USP25: variants seen among roughly 807,000 people sequenced by gnomAD.
USP25 encodes the protein ubiquitin carboxyl-terminal hydrolase 25.
Under a neutral mutation model 158.5 loss-of-function variants are expected in USP25, and 85 were observed. The ratio of observed to expected loss-of-function variants is 0.54; its 90% CI spans 0.45 to 0.64. The LOEUF is 0.64. Ranked by LOEUF, USP25 falls within the 30% of genes least tolerant of loss-of-function variation. The pLI is 0.00. For synonymous variants in USP25, 464 were observed against 460.4 expected (o/e 1.01, Z -0.10); for missense variants, 1,242 against 1,327.3 (o/e 0.94, Z 1.00).
chr21:15,782,424 G>A (rs767346521), intron 4 of USP25, among the ~76,000 whole-genome samples: 18 of 152,192 alleles, frequency 1.2e-4, no homozygotes, highest in Non-Finnish European at 2.6e-4. Context: ...GTCATGCACA[G>A]CCTCCAGACC....
chr21:15,749,207 A>T (rs1019475790), intron 1 of USP25, among the ~76,000 whole-genome samples: 5 of 152,230 alleles, frequency 3.3e-5, no homozygotes, highest in Non-Finnish European at 7.3e-5. Flanking sequence ...TGCCTTGTGT[A>T]CATATTTGAG....
intron 1 of USP25, among the ~76,000 whole-genome samples, chr21:15,755,254 C>A (rs2033301404): frequency 2.0e-5 from 3 of 151,846 alleles, no homozygotes; most frequent in Admixed American, 2.0e-4. Flanking sequence ...AGGATGGAAA[C>A]CTTTGACTTT....
chr21:15,738,014 G>T (rs748301522), intron 1 of USP25, among the ~76,000 whole-genome samples: 1 of 152,040 alleles, frequency 6.6e-6, no homozygotes, highest in Non-Finnish European at 1.5e-5. Flanking sequence ...TTTCTGGCTT[G>T]GAGTTTTGGG....
intron 4 of USP25, among the ~76,000 whole-genome samples, chr21:15,784,698 A>T: frequency 6.6e-6 from 1 of 152,228 alleles, no homozygotes; most frequent in Non-Finnish European, 1.5e-5. Flanking sequence ...TTAGCTTAAA[A>T]TAGTCTGTTG....
chr21:15,783,598 T>C (rs115413041), intron 4 of USP25, among the ~76,000 whole-genome samples: 1,868 of 151,162 alleles, frequency 0.012, 40 homozygotes, highest in African/African-American at 0.043. Context: ...TGGGAAAAAA[T>C]AAAAATAAAA....
chr21:15,788,269 G>A (rs2035406220), intron 4 of USP25, among the ~76,000 whole-genome samples: 1 of 151,794 alleles, frequency 6.6e-6, no homozygotes, highest in Non-Finnish European at 1.5e-5. Flanking sequence ...GCCAGGGGAG[G>A]AACCCTTATG....
At chr21:15,786,871 A>G (rs930658290) in intron 4 of USP25, among the ~76,000 whole-genome samples, 2 of 152,140 alleles carry the variant, frequency 1.3e-5, no homozygotes, top group Non-Finnish European at 2.9e-5. Flanking sequence ...AGAAAGCCCT[A>G]AAGAGTTCAC....
At chr21:15,753,334 C>T (rs1178329457) in intron 1 of USP25, among the ~76,000 whole-genome samples, 1 of 152,144 alleles carries the variant, frequency 6.6e-6, no homozygotes, top group African/African-American at 2.4e-5. Context: ...TAGGTGAGAG[C>T]TCATTCCTCA....
intron 24 of USP25, chr21:15,877,200 AAAAGTTTGCC>A (rs1473330999): frequency 1.4e-4 from 21 of 152,248 alleles, no homozygotes; most frequent in African/African-American, 5.1e-4. Flanking sequence ...CCTTCACAGA[AAAAGTTTGCC>A]AATCCTTGTA....
intron 4 of USP25, among the ~76,000 whole-genome samples, chr21:15,788,506 C>T (rs2035418115): frequency 6.6e-6 from 1 of 152,006 alleles, no homozygotes; most frequent in Non-Finnish European, 1.5e-5. Context: ...AAAGCAAATT[C>T]TTGTTTCTAC....
chr21:15,820,964 C>T (rs892227643), intron 10 of USP25, among the ~76,000 whole-genome samples: 2 of 151,780 alleles, frequency 1.3e-5, no homozygotes, highest in African/African-American at 4.8e-5. Flanking sequence ...TGATTATATC[C>T]AAAATAACTG....
chr21:15,862,788 T>C (rs371351956), intron 20 of USP25, among the ~76,000 whole-genome samples: 1 of 151,774 alleles, frequency 6.6e-6, no homozygotes, highest in Non-Finnish European at 1.5e-5. Context: ...AAAAGTATTT[T>C]AAAATAATTT....
chr21:15,874,647 A>G lies in USP25; in HGVS notation c.3009+121A>G, dbSNP rs1243699058. On this transcript the variant is annotated intron_variant, in intron 24 of 25. Coordinates refer to ENST00000400183, the MANE Select transcript of USP25 (RefSeq NM_001283041.3). The stretch of plus-strand genomic sequence containing the variant: ...AGGGGATAAGAACATGATGATGTCT[A>G]TAAACTGGTTCTAGTCCCTTCAGAT... 15 of 1,013,058 alleles carry G rather than the reference A, an allele frequency of 1.5e-5. No individual in the cohort carries two copies. The East Asian group carries it at 3.2e-4, about 22-fold the overall frequency. 62.8% of individuals were successfully genotyped at this position (1,013,058 alleles called of 1,614,324 possible). A position where few individuals can be genotyped will look rare whatever the true frequency, so the allele number is the denominator to read the frequency against.
At chr21:15,813,892 C>G (rs2036799299) in intron 9 of USP25, among the ~76,000 whole-genome samples, 1 of 151,742 alleles carries the variant, frequency 6.6e-6, no homozygotes, top group African/African-American at 2.4e-5. Context: ...CCATTAGATC[C>G]CTTTCAGTTT....
At chr21:15,753,141 T>C (rs893455856) in intron 1 of USP25, among the ~76,000 whole-genome samples, 2 of 152,082 alleles carry the variant, frequency 1.3e-5, no homozygotes. Flanking sequence ...TGACATCACA[T>C]GTAGAGGAGG....
At chr21:15,804,514 CTAA>C (rs1358580980) in intron 6 of USP25, among the ~76,000 whole-genome samples, 7 of 151,464 alleles carry the variant, frequency 4.6e-5, no homozygotes, top group Admixed American at 4.0e-4. Flanking sequence ...TATTAAATTT[CTAA>C]TAATCGGGTG....
intron 12 of USP25, among the ~76,000 whole-genome samples, chr21:15,825,275 G>A (rs577292614): frequency 3.3e-5 from 5 of 152,230 alleles, no homozygotes; most frequent in African/African-American, 1.2e-4. Flanking sequence ...TTGTCAACAG[G>A]TAATGTTCCT....
At position 15,852,936 on chromosome 21, in the gene USP25, A is replaced by G. The variant is rs554568156; in HGVS notation, c.2547+3064A>G. Among the ~76,000 whole-genome samples the G allele has an allele frequency of 3.3e-5, 5 of 152,282 alleles. No individual in the cohort carries two copies. In the South Asian group the frequency reaches 1.0e-3, roughly 32 times the overall value. The stretch of plus-strand genomic sequence containing the variant: ...TTGGTAAAGGTAGAAGCATTTGGAC[A>G]CAACTCTAGCTGATAATATGTCACC... On this transcript the variant is annotated intron_variant, in intron 20 of 25. Transcript: ENST00000400183.
chr21:15,733,796 C>T (rs555616044), intron 1 of USP25, among the ~76,000 whole-genome samples: 12 of 152,170 alleles, frequency 7.9e-5, no homozygotes, highest in Admixed American at 6.5e-4. Context: ...GAGCCGAGAT[C>T]GCGCCATTGC....
Sources: gnomAD v4.1 joint callset for allele counts (sites outside exome capture counted in the v4.1 genomes callset) on GRCh38, gnomAD v4.1.1 for gene constraint, MANE v1.5 for transcripts, NCBI Gene and HGNC (gene_info 2026-07-23, HGNC 2026-07-21) for gene names.